The following MIGA1 variants were observed in gnomAD, a reference collection of about 807,000 sequenced individuals.
MIGA1 encodes the protein family with sequence similarity 73, member A.
Under a neutral mutation model 82.0 loss-of-function variants are expected in MIGA1, and 58 were observed. The observed-to-expected ratio is 0.71, with a 90% CI of 0.57 to 0.88. The LOEUF (loss-of-function observed/expected upper bound fraction) is 0.88, where lower values mean the gene tolerates loss of function less well. MIGA1 is among the 40% of genes least tolerant of loss of function. The pLI is 0.00. For synonymous variants in MIGA1, 249 were observed against 253.6 expected (o/e 0.98, Z 0.17); for missense variants, 751 against 749.1 (o/e 1.00, Z -0.03).
chr1:77,808,503 A>G (rs1175415841), intron 5 of MIGA1, among the ~76,000 whole-genome samples: 1 of 151,944 alleles, frequency 6.6e-6, no homozygotes, highest in Non-Finnish European at 1.5e-5. Flanking sequence ...TATATCCAGA[A>G]AAAAATTTTA....
chr1:77,853,803 C>G (rs1188319778), intron 8 of MIGA1: 1 of 259,126 alleles, frequency 3.9e-6, no homozygotes, highest in Non-Finnish European at 7.8e-6. Context: ...GGATCAGGCT[C>G]TAAAGGAAAG....
chr1:77,813,116 T>A (rs181923183), intron 5 of MIGA1, among the ~76,000 whole-genome samples: 291 of 152,140 alleles, frequency 1.9e-3, no homozygotes, highest in Non-Finnish European at 2.9e-3. Context: ...TGAGTAGCCA[T>A]GATTACAGGC....
At position 77,835,956 on chromosome 1, in the gene MIGA1, G is replaced by GA. The variant is rs1023362222; in HGVS notation, c.896-7343dup. Among the ~76,000 whole-genome samples the GA allele has an allele frequency of 2.4e-4, 36 of 150,380 alleles. No homozygotes were observed. In the East Asian group the frequency reaches 2.9e-3, roughly 12 times the overall value. Reference sequence around the variant, plus strand: ...GAGCGAGACTCTGTTTCAGAAAAAAGAAAAAAAAGAAAAAAAGAAAGAAAC... The same window carrying GA: ...GAGCGAGACTCTGTTTCAGAAAAAAGAAAAAAAAAGAAAAAAAGAAAGAAAC... On this transcript the variant is annotated intron_variant, in intron 7 of 15. Transcript: ENST00000370791.
At chr1:77,833,103 C>T (rs1684304657) in intron 7 of MIGA1, among the ~76,000 whole-genome samples, 1 of 152,146 alleles carries the variant, frequency 6.6e-6, no homozygotes, top group African/African-American at 2.4e-5. Context: ...AGAGGAAATA[C>T]CTCAGCCTAA....
intron 13 of MIGA1, 97 bp downstream of exon 13, chr1:77,864,125 C>A: frequency 1.5e-6 from 2 of 1,300,504 alleles, no homozygotes; most frequent in East Asian, 2.7e-5. Flanking sequence ...CTTTGGGAGG[C>A]CAAGGCAGGC....
chr1:77,858,089 G>A (rs917116343), intron 8 of MIGA1, among the ~76,000 whole-genome samples: 4 of 151,980 alleles, frequency 2.6e-5, no homozygotes, highest in South Asian at 2.1e-4. Context: ...GGTGGCTGAC[G>A]CCTGAATGCC....
At chr1:77,808,739 G>A (rs1683201733) in intron 5 of MIGA1, among the ~76,000 whole-genome samples, 1 of 152,140 alleles carries the variant, frequency 6.6e-6, no homozygotes, top group African/African-American at 2.4e-5. Context: ...ATGTGGCCTT[G>A]GCCAGTGAGC....
chr1:77,806,922 A>G, intron 4 of MIGA1, 53 bp from the exon 5 acceptor site: 1 of 1,391,110 alleles, frequency 7.2e-7, no homozygotes, highest in Non-Finnish European at 9.9e-7. Context: ...GAAAGATCAC[A>G]ACATACTATC....
At chr1:77,802,022 C>G (rs996187778) in intron 3 of MIGA1, among the ~76,000 whole-genome samples, 5 of 152,038 alleles carry the variant, frequency 3.3e-5, no homozygotes, top group Admixed American at 6.6e-5. Context: ...TTTTGTGTAT[C>G]CTTGTCTATT....
chr1:77,780,963 A>G (rs1681884491), intron 1 of MIGA1, among the ~76,000 whole-genome samples: 1 of 149,230 alleles, frequency 6.7e-6, no homozygotes, highest in South Asian at 2.1e-4. Flanking sequence ...CTGGAGTGCA[A>G]TGGCGTGATC....
At chr1:77,818,896 A>G (rs1026662044) in intron 7 of MIGA1, among the ~76,000 whole-genome samples, 1 of 151,988 alleles carries the variant, frequency 6.6e-6, no homozygotes, top group Non-Finnish European at 1.5e-5. Flanking sequence ...CCTGGCCAAC[A>G]TGGTGAAACC....
At chr1:77,867,949 T>C (rs1685738796) in intron 14 of MIGA1, among the ~76,000 whole-genome samples, 1 of 152,038 alleles carries the variant, frequency 6.6e-6, no homozygotes, top group Admixed American at 6.6e-5. Flanking sequence ...AACTCTAACG[T>C]TAGGACTAGG....
chr1:77,796,111 A>T (rs536304072), intron 2 of MIGA1, among the ~76,000 whole-genome samples: 43 of 151,444 alleles, frequency 2.8e-4, no homozygotes, highest in African/African-American at 1.0e-3. Context: ...CTCTTTTTAA[A>T]ATTCAACTTA....
intron 1 of MIGA1, among the ~76,000 whole-genome samples, chr1:77,780,899 TTC>T (rs2101668188): frequency 6.6e-6 from 1 of 151,440 alleles, no homozygotes; most frequent in South Asian, 2.1e-4. Context: ...ATAATATTTT[TTC>T]TTTTTTCTTT....
In MIGA1 at chr1:77,809,752, ATG is replaced by A. The variant is rs753047739; in HGVS notation, c.637+2653_637+2654del. On this transcript the variant is annotated intron_variant, in intron 5 of 15. Coordinates refer to ENST00000370791, the MANE Select transcript of MIGA1 (RefSeq NM_198549.4). ...ATATAATTGGTTTTTATGTGCATAA[ATG>A]TTTTTTTTTTTTTTTTGTACTATGA... 4.9e-3 allele frequency among the ~76,000 whole-genome samples: 564 copies of A among 115,484 alleles called. 2 individuals are homozygous for A. Among genetic ancestry groups the A allele is most frequent in the Non-Finnish European group, 6.0e-3 (320 of 53,206 alleles). The allele number at this position is 115,484 out of a possible 152,430, so 75.8% of individuals were successfully genotyped here.
chr1:77,832,843 T>G (rs1684291014), intron 7 of MIGA1, among the ~76,000 whole-genome samples: 1 of 152,332 alleles, frequency 6.6e-6, no homozygotes. Flanking sequence ...TCTGGAAGTG[T>G]GGCTGGCACA....
intron 8 of MIGA1, chr1:77,848,308 A>G (rs766325678): frequency 1.4e-4 from 177 of 1,305,592 alleles, no homozygotes; most frequent in Non-Finnish European, 8.6e-5. Flanking sequence ...AAAGAGAACA[A>G]GAAAGAGAGA....
At chr1:77,790,159 A>G (rs778761208) in intron 2 of MIGA1, among the ~76,000 whole-genome samples, 3 of 152,260 alleles carry the variant, frequency 2.0e-5, no homozygotes, top group Non-Finnish European at 4.4e-5. Flanking sequence ...GTATGTATAT[A>G]ATTCTATGCC....
At chr1:77,838,623 T>G (rs997598225) in intron 7 of MIGA1, among the ~76,000 whole-genome samples, 3 of 152,120 alleles carry the variant, frequency 2.0e-5, no homozygotes, top group Non-Finnish European at 2.9e-5. Context: ...AATTTTTGTA[T>G]TTTTTGTAGA....
Sources: allele counts gnomAD v4.1 joint callset (sites outside exome capture counted in the v4.1 genomes callset), GRCh38; gene constraint gnomAD v4.1.1; transcripts MANE v1.5; gene names NCBI Gene and HGNC (gene_info 2026-07-23, HGNC 2026-07-21).